Variants in CCDC57 observed in about 807,000 individuals in gnomAD.
CCDC57 encodes the protein coiled-coil domain-containing protein 57.
CCDC57 carries 118 observed loss-of-function variants against 118.9 expected under a neutral mutation model. The observed-to-expected ratio is 0.99, with a 90% CI of 0.86 to 1.16. The LOEUF is 1.16. CCDC57 is among the 50% of genes most tolerant of loss of function. The probability of loss-of-function intolerance (pLI) is 0.00; values close to 1 mark genes in which losing one functional copy is unlikely to be tolerated. For synonymous variants in CCDC57, 527 were observed against 532.9 expected (o/e 0.99, Z 0.15); for missense variants, 1,300 against 1,320.7 (o/e 0.98, Z 0.24).
rs373093793 is a variant in CCDC57 at position 82,114,376 on chromosome 17, G to A, written c.2900-12510C>T. ...GGGACGGGGGCGTGAGGATGAGCTG[G>A]TGCTGAGGCCAAATGCTCAGGGCAT... On this transcript the variant is annotated intron_variant, in intron 19 of 19. Coordinates refer to ENST00000665763, the Ensembl canonical transcript of CCDC57. Among the ~76,000 whole-genome samples the A allele has an allele frequency of 1.9e-4, 29 of 152,342 alleles. No individual in the cohort carries two copies. The East Asian group carries it at 2.1e-3, about 11-fold the overall frequency.
At chr17:82,178,994 G>A (rs1028147281) in intron 10 of CCDC57, 33 bp downstream of exon 9, 39 of 1,604,958 alleles carry the variant, frequency 2.4e-5, no homozygotes, top group East Asian at 1.1e-4. Context: ...CAGAGACGCC[G>A]AGAAGGCCCC....
At position 82,184,031 on chromosome 17, in the gene CCDC57, G is replaced by GCACACA. The variant is rs71166198; in HGVS notation, c.1053-105_1053-100dup. ...CAAATACACATGCGCGCGCGCGCGC[G>GCACACA]CACACACACACACACACACACACAC... On this transcript the variant is annotated intron_variant, in intron 8 of 19. Transcript: ENST00000665763. The GCACACA allele has an allele frequency of 8.9e-3, 1,171 of 131,660 alleles. 31 individuals are homozygous for GCACACA. The highest frequency in any genetic ancestry group is 0.018 in the African/African-American group (421 of 23,678). 8.2% of individuals were successfully genotyped at this position (131,660 alleles called of 1,614,324 possible). A position where few individuals can be genotyped will look rare whatever the true frequency, so the allele number is the denominator to read the frequency against.
intron 7 of CCDC57, among the ~76,000 whole-genome samples, chr17:82,188,728 C>T (rs749161118): frequency 1.1e-4 from 16 of 152,164 alleles, no homozygotes; most frequent in East Asian, 3.9e-4. Context: ...GCATAGAGCA[C>T]GGTTTGATCC....
intron 19 of CCDC57, among the ~76,000 whole-genome samples, chr17:82,117,714 AAGT>A (rs1259190960): frequency 6.6e-6 from 1 of 151,742 alleles, no homozygotes; most frequent in Non-Finnish European, 1.5e-5. Flanking sequence ...ACCAATAATG[AAGT>A]ATCAGTTTTG....
At chr17:82,124,436 T>G (rs532446674) in intron 19 of CCDC57, among the ~76,000 whole-genome samples, 1 of 152,312 alleles carries the variant, frequency 6.6e-6, no homozygotes, top group South Asian at 2.1e-4. Context: ...GGCTGGAAGA[T>G]GGTTCTGGCT....
chr17:82,210,757 G>C (rs1219029147), intron 1 of CCDC57, among the ~76,000 whole-genome samples: 1 of 151,036 alleles, frequency 6.6e-6, no homozygotes, highest in Non-Finnish European at 1.5e-5. Flanking sequence ...CACTTTGGGA[G>C]GCCAAGGTGG....
chr17:82,184,187 C>T (rs2046654782), intron 8 of CCDC57, among the ~76,000 whole-genome samples: 1 of 151,984 alleles, frequency 6.6e-6, no homozygotes, highest in South Asian at 2.1e-4. Context: ...ATGCATCCCA[C>T]CAACCCAGAT....
intron 14 of CCDC57, chr17:82,160,428 A>C (rs2146027956): frequency 6.8e-6 from 1 of 147,944 alleles, no homozygotes; most frequent in East Asian, 2.1e-4. Context: ...GCACTTTGGG[A>C]GGCAGACAGG....
intron 19 of CCDC57, chr17:82,126,320 G>A (rs1598731213): frequency 1.3e-6 from 1 of 789,706 alleles, no homozygotes; most frequent in Non-Finnish European, 1.5e-6. Context: ...AAAAAACAAG[G>A]ACATTAAATT....
intron 16 of CCDC57, among the ~76,000 whole-genome samples, chr17:82,138,138 G>A (rs1220145594): frequency 7.0e-6 from 1 of 143,394 alleles, no homozygotes; most frequent in African/African-American, 2.6e-5. Flanking sequence ...GGCTGAGGCA[G>A]GAGGATCTCT....
At chr17:82,209,347 A>G (rs1435389365) in intron 1 of CCDC57, among the ~76,000 whole-genome samples, 2 of 152,216 alleles carry the variant, frequency 1.3e-5, no homozygotes, top group African/African-American at 4.8e-5. Context: ...CCACGTATAC[A>G]TGTTTCATGT....
chr17:82,174,801 T>C (rs563834442), intron 11 of CCDC57, among the ~76,000 whole-genome samples: 1 of 152,382 alleles, frequency 6.6e-6, no homozygotes, highest in Admixed American at 6.5e-5. Flanking sequence ...CTTTTGATTC[T>C]TGCATGTTTT....
At chr17:82,122,249 C>T (rs1410262704) in intron 19 of CCDC57, among the ~76,000 whole-genome samples, 3 of 152,220 alleles carry the variant, frequency 2.0e-5, no homozygotes, top group Admixed American at 6.5e-5. Context: ...CTGCCAGAAC[C>T]GTTTCCCACC....
chr17:82,185,920 T>C (rs941745173), intron 8 of CCDC57, among the ~76,000 whole-genome samples: 3 of 152,224 alleles, frequency 2.0e-5, no homozygotes, highest in African/African-American at 7.2e-5. Flanking sequence ...TTTTTTTAGT[T>C]AAAAAATTAT....
chr17:82,108,565 A>C (rs1414002707), intron 19 of CCDC57, among the ~76,000 whole-genome samples: 1 of 152,160 alleles, frequency 6.6e-6, no homozygotes, highest in Non-Finnish European at 1.5e-5. Flanking sequence ...ACGGTGTCCA[A>C]GACGCACAGC....
exon 13 of CCDC57, chr17:82,171,774 C>T: frequency 1.2e-6 from 2 of 1,613,952 alleles, no homozygotes; most frequent in Non-Finnish European, 1.7e-6. Flanking sequence ...AAGGATCCAA[C>T]ACATCTTCTA....
At position 82,136,238 on chromosome 17, in the gene CCDC57, G is replaced by C. The variant is rs184704186; in HGVS notation, c.2456-2044C>G. Among the ~76,000 whole-genome samples the C allele has an allele frequency of 1.6e-3, 243 of 152,286 alleles. 1 individual carries two copies. The highest frequency in any genetic ancestry group is 5.3e-3 in the African/African-American group (221 of 41,562). ...AATGCCTACAGTGGCCTGTCCCCCA[G>C]CAAAGAGCTCTTCCCATGGAAAGGA... On this transcript the variant is annotated intron_variant, in intron 16 of 19. Coordinates refer to ENST00000665763, the Ensembl canonical transcript of CCDC57.
chr17:82,122,288 G>A (rs530576536), intron 19 of CCDC57, among the ~76,000 whole-genome samples: 107 of 152,354 alleles, frequency 7.0e-4, no homozygotes, highest in Admixed American at 1.2e-3. Context: ...ACCAGGGACA[G>A]CCTCCCTGGG....
chr17:82,195,395 C>T (rs1406366199), intron 4 of CCDC57, 31 bp from the exon 4 acceptor site: 1 of 1,542,404 alleles, frequency 6.5e-7, no homozygotes, highest in Admixed American at 1.9e-5. Context: ...GATGAAAGAA[C>T]AGTGGGAACC....
Sources: allele counts gnomAD v4.1 joint callset (sites outside exome capture counted in the v4.1 genomes callset), GRCh38; gene constraint gnomAD v4.1.1; transcripts MANE v1.5; gene names NCBI Gene and HGNC (gene_info 2026-07-23, HGNC 2026-07-21).